AFG2A: variants seen among roughly 807,000 people sequenced by gnomAD.
AFG2A encodes AAA ATPase AFG2A.
chr4:123,056,760 C>T, the AFG2A span, among the ~76,000 whole-genome samples: 1 of 152,080 alleles, frequency 6.6e-6, no homozygotes, highest in African/African-American at 2.4e-5. Flanking sequence ...TTATTGAGCT[C>T]TTACTGTTTC....
chr4:122,986,797 G>A, the AFG2A span, among the ~76,000 whole-genome samples: 1 of 152,080 alleles, frequency 6.6e-6, no homozygotes, highest in South Asian at 2.1e-4. Context: ...GTATTCTGCG[G>A]CCATTGGTTG....
the AFG2A span, among the ~76,000 whole-genome samples, chr4:123,139,966 T>C: frequency 6.6e-6 from 1 of 152,164 alleles, no homozygotes; most frequent in Admixed American, 6.5e-5. Context: ...GTTCAGGTAT[T>C]CAAGCAGCCC....
chr4:122,988,242 A>G, the AFG2A span, among the ~76,000 whole-genome samples: 1 of 151,030 alleles, frequency 6.6e-6, no homozygotes, highest in Non-Finnish European at 1.5e-5. Context: ...TATGATTATA[A>G]CATATCTTGG....
chr4:123,301,598 T>C, the AFG2A span, among the ~76,000 whole-genome samples: 516 of 152,324 alleles, frequency 3.4e-3, 1 homozygote, highest in African/African-American at 0.012. Flanking sequence ...ATGACATGCA[T>C]AAAATAAGTG....
At chr4:122,931,544 T>G in the AFG2A span, among the ~76,000 whole-genome samples, 1 of 152,182 alleles carries the variant, frequency 6.6e-6, no homozygotes, top group Non-Finnish European at 1.5e-5. Context: ...ACATAGATTA[T>G]AACCTTAAAA....
At chr4:123,115,602 T>C in the AFG2A span, among the ~76,000 whole-genome samples, 1 of 151,984 alleles carries the variant, frequency 6.6e-6, no homozygotes, top group Non-Finnish European at 1.5e-5. Flanking sequence ...TGCAGGTAGG[T>C]CAGCCCGGCC....
At chr4:123,204,049 C>A in the AFG2A span, among the ~76,000 whole-genome samples, 1 of 152,302 alleles carries the variant, frequency 6.6e-6, no homozygotes. Context: ...CCTTCGAAGT[C>A]ACATCTTCAT....
At chr4:123,175,979 G>C in the AFG2A span, among the ~76,000 whole-genome samples, 112 of 152,278 alleles carry the variant, frequency 7.4e-4, 1 homozygote, top group African/African-American at 2.5e-3. Flanking sequence ...TATAAGAGCT[G>C]AGCTTGTATG....
the AFG2A span, among the ~76,000 whole-genome samples, chr4:122,985,031 A>G: frequency 6.6e-6 from 1 of 152,044 alleles, no homozygotes; most frequent in African/African-American, 2.4e-5. Context: ...AAAGGATTGA[A>G]GGATTGGTAC....
the AFG2A span, among the ~76,000 whole-genome samples, chr4:123,275,381 C>A: frequency 6.6e-6 from 1 of 152,032 alleles, no homozygotes; most frequent in South Asian, 2.1e-4. Flanking sequence ...TTTTTTATGA[C>A]TTTGGTCTCT....
chr4:123,082,528 T>C, the AFG2A span, among the ~76,000 whole-genome samples: 5,540 of 89,206 alleles, frequency 0.062, 197 homozygotes, highest in African/African-American at 0.12. Context: ...TTTTTCTTTT[T>C]TTTTTTTTTT....
At chr4:123,198,239 A>G in the AFG2A span, among the ~76,000 whole-genome samples, 1 of 150,600 alleles carries the variant, frequency 6.6e-6, no homozygotes, top group Non-Finnish European at 1.5e-5. Flanking sequence ...ACTGCACTCC[A>G]GCCTAAACGA....
chr4:122,982,726 G>T, the AFG2A span, among the ~76,000 whole-genome samples: 1 of 151,876 alleles, frequency 6.6e-6, no homozygotes, highest in East Asian at 1.9e-4. Context: ...TATGTTTCTG[G>T]GAATTTCTTT....
chr4:122,929,727 T>G, the AFG2A span, among the ~76,000 whole-genome samples: 1 of 151,964 alleles, frequency 6.6e-6, no homozygotes, highest in Admixed American at 6.6e-5. Context: ...CAATAAGATA[T>G]TTTGCATCCT....
chr4:123,279,776 T>G, the AFG2A span, among the ~76,000 whole-genome samples: 3 of 152,206 alleles, frequency 2.0e-5, no homozygotes, highest in Admixed American at 6.5e-5. Context: ...AAATGAGAGT[T>G]GTAATTATCA....
At chr4:122,987,182 A>G in the AFG2A span, among the ~76,000 whole-genome samples, 6 of 152,084 alleles carry the variant, frequency 3.9e-5, no homozygotes, top group African/African-American at 1.4e-4. Context: ...ATGAAATAGC[A>G]TGATTGCTAT....
the AFG2A span, among the ~76,000 whole-genome samples, chr4:122,941,561 C>T: frequency 6.6e-6 from 1 of 152,254 alleles, no homozygotes; most frequent in Non-Finnish European, 1.5e-5. Context: ...TCTAGATATA[C>T]AATCATGTTG....
At chr4:123,285,205 T>C in the AFG2A span, among the ~76,000 whole-genome samples, 9 of 152,212 alleles carry the variant, frequency 5.9e-5, no homozygotes, top group African/African-American at 2.2e-4. Context: ...TTTCCTGACC[T>C]TTTTGCTCCA....
the AFG2A span, among the ~76,000 whole-genome samples, chr4:123,156,796 G>A: frequency 6.7e-6 from 1 of 149,630 alleles, no homozygotes; most frequent in Non-Finnish European, 1.5e-5. Context: ...AGAAACTCCT[G>A]TTCTTAATGA....
Sources: allele counts gnomAD v4.1 joint callset (sites outside exome capture counted in the v4.1 genomes callset), GRCh38; gene constraint gnomAD v4.1.1; transcripts MANE v1.5; gene names NCBI Gene and HGNC (gene_info 2026-07-23, HGNC 2026-07-21).